ANKIB1: variants seen among roughly 807,000 people sequenced by gnomAD.
ANKIB1 encodes the protein ankyrin repeat and IBR domain-containing protein 1.
Under a neutral mutation model 122.1 loss-of-function variants are expected in ANKIB1, and 43 were observed. The ratio of observed to expected loss-of-function variants is 0.35; its 90% CI spans 0.28 to 0.45. The LOEUF is 0.45. ANKIB1 is among the 20% of genes least tolerant of loss of function. The probability of loss-of-function intolerance (pLI) is 1.00; values close to 1 mark genes in which losing one functional copy is unlikely to be tolerated. For synonymous variants in ANKIB1, 390 were observed against 442.0 expected, an observed-to-expected ratio of 0.88 and a Z score of 1.48; for missense variants, 992 against 1,329.5, an observed-to-expected ratio of 0.75 and a Z score of 3.95.
chr7:92,304,662 AAAATG>A (rs1802522127), intron 2 of ANKIB1, among the ~76,000 whole-genome samples: 1 of 152,210 alleles, frequency 6.6e-6, no homozygotes, highest in Non-Finnish European at 1.5e-5. Flanking sequence ...AATTTTTAAG[AAAATG>A]AAATCTTTTT....
At chr7:92,369,177 T>A (rs1464685188) in intron 10 of ANKIB1, among the ~76,000 whole-genome samples, 1 of 152,222 alleles carries the variant, frequency 6.6e-6, no homozygotes, top group Admixed American at 6.5e-5. Flanking sequence ...TAGCCCTAAG[T>A]ATACTAAGTT....
At chr7:92,259,788 T>G (rs1801522055) in intron 1 of ANKIB1, among the ~76,000 whole-genome samples, 2 of 152,170 alleles carry the variant, frequency 1.3e-5, no homozygotes, top group African/African-American at 4.8e-5. Flanking sequence ...TCAGTAGTGG[T>G]AACCCCTTGC....
In ANKIB1 at chr7:92,387,701, A is replaced by G. The variant is rs868005832; in HGVS notation, c.1753-97A>G. The G allele has an allele frequency of 1.0e-5, 8 of 788,504 alleles. No homozygotes were observed. In the Middle Eastern group the frequency reaches 2.2e-3, roughly 214 times the overall value. 48.8% of individuals were successfully genotyped at this position (788,504 alleles called of 1,614,324 possible). A position where few individuals can be genotyped will look rare whatever the true frequency, so the allele number is the denominator to read the frequency against. ...AATTCGCAAATCTGAATGCACTACT[A>G]CCTATCACTAATAAAACTTTTAAAT... On this transcript the variant is annotated intron_variant, in intron 12 of 19. Transcript: ENST00000265742.
intron 7 of ANKIB1, among the ~76,000 whole-genome samples, chr7:92,347,353 G>A (rs943306466): frequency 1.3e-5 from 2 of 151,962 alleles, no homozygotes; most frequent in East Asian, 3.9e-4. Flanking sequence ...TGTATTTTTT[G>A]TGTAGCCCAA....
chr7:92,386,590 C>T lies in ANKIB1; in HGVS notation c.1699C>T (p.Arg567Cys), dbSNP rs1294850191. The T allele has an allele frequency of 1.9e-6, 3 of 1,604,888 alleles. No homozygotes were observed. The highest frequency in any genetic ancestry group is 2.6e-6 in the Non-Finnish European group (3 of 1,175,910). The change falls in exon 12 of 20, where the codon CGC becomes TGC. Residue 567 changes from arginine (R) to cysteine (C), a missense_variant. Physicochemically the swap from Arg to Cys is radical, Grantham distance 180. Coordinates refer to ENST00000265742, the MANE Select transcript of ANKIB1 (RefSeq NM_019004.2). Reference sequence around the variant, plus strand: ...CACTGGAGGTTATTACAGATGTACTCGCTATGAAGTCATTCAACACGTGGA... The same window carrying T: ...CACTGGAGGTTATTACAGATGTACTTGCTATGAAGTCATTCAACACGTGGA... The part of the protein sequence containing the change: ...SSTGGYYRCT[R>C]YEVIQHVEEQ...
chr7:92,379,611 T>C (rs575401121), intron 11 of ANKIB1, among the ~76,000 whole-genome samples: 2 of 152,268 alleles, frequency 1.3e-5, no homozygotes, highest in South Asian at 4.1e-4. Context: ...ATGTGGCATC[T>C]ACAACCAGTG....
At chr7:92,255,649 T>C (rs1230483315) in intron 1 of ANKIB1, among the ~76,000 whole-genome samples, 1 of 152,220 alleles carries the variant, frequency 6.6e-6, no homozygotes, top group Non-Finnish European at 1.5e-5. Flanking sequence ...AACAAGTTCT[T>C]ATGAAATATA....
intron 1 of ANKIB1, among the ~76,000 whole-genome samples, chr7:92,265,119 A>T (rs919971209): frequency 6.6e-6 from 1 of 152,100 alleles, no homozygotes; most frequent in African/African-American, 2.4e-5. Context: ...CTAGGACTAC[A>T]TGTGTGTACC....
chr7:92,326,163 G>A (rs1187427695), intron 4 of ANKIB1, among the ~76,000 whole-genome samples: 1 of 152,160 alleles, frequency 6.6e-6, no homozygotes, highest in Non-Finnish European at 1.5e-5. Context: ...TGTCCTTTAA[G>A]AATTATTTTT....
chr7:92,303,981 T>G (rs1321590332), intron 2 of ANKIB1, among the ~76,000 whole-genome samples: 3 of 152,010 alleles, frequency 2.0e-5, no homozygotes, highest in African/African-American at 7.2e-5. Context: ...AAGGGATGGA[T>G]TTTTTCCCCA....
chr7:92,381,698 T>C (rs1241591021), intron 11 of ANKIB1, among the ~76,000 whole-genome samples: 1 of 152,122 alleles, frequency 6.6e-6, no homozygotes, highest in East Asian at 1.9e-4. Flanking sequence ...TGCTGACAGA[T>C]TTTGTCACCA....
chr7:92,309,942 A>ATATATATATATATATATATATAT (rs1554338740), intron 3 of ANKIB1, among the ~76,000 whole-genome samples: 1 of 91,790 alleles, frequency 1.1e-5, no homozygotes, highest in African/African-American at 4.8e-5. Flanking sequence ...AAAAAAAAAA[A>ATATATATATATATATATATATAT]ATATATATAT....
intron 1 of ANKIB1, among the ~76,000 whole-genome samples, chr7:92,270,034 C>T (rs1168045015): frequency 6.6e-6 from 1 of 151,422 alleles, no homozygotes; most frequent in East Asian, 1.9e-4. Context: ...CAATTCCCAC[C>T]TATGAGTGAG....
chr7:92,331,263 C>A (rs1157299057), intron 5 of ANKIB1, among the ~76,000 whole-genome samples: 1 of 150,590 alleles, frequency 6.6e-6, no homozygotes, highest in Non-Finnish European at 1.5e-5. Flanking sequence ...TAAACAACAT[C>A]ACTTCTTTTT....
chr7:92,254,878 C>T (rs563274375), intron 1 of ANKIB1, among the ~76,000 whole-genome samples: 4 of 152,170 alleles, frequency 2.6e-5, no homozygotes, highest in Admixed American at 2.6e-4. Flanking sequence ...TCTTAAATTC[C>T]CACATGTTGT....
intron 1 of ANKIB1, among the ~76,000 whole-genome samples, chr7:92,251,711 T>C (rs1432777561): frequency 6.6e-6 from 1 of 152,180 alleles, no homozygotes; most frequent in Non-Finnish European, 1.5e-5. Flanking sequence ...TGGTATCACA[T>C]CACTCCTAAA....
chr7:92,336,678 C>G (rs1436446068), intron 5 of ANKIB1, among the ~76,000 whole-genome samples: 1 of 151,992 alleles, frequency 6.6e-6, no homozygotes, highest in African/African-American at 2.4e-5. Flanking sequence ...CTCTGGTCAC[C>G]CTGAATCTAA....
chr7:92,387,996 A>G lies in ANKIB1; in HGVS notation c.1861A>G (p.Thr621Ala). The change falls in exon 14 of 20, where the codon ACA (threonine) becomes GCA (alanine). Residue 621 changes from threonine to alanine, a missense_variant. Physicochemically the swap from Thr to Ala is moderately conservative, Grantham distance 58 (BLOSUM62 0). Coordinates refer to ENST00000265742, the MANE Select transcript of ANKIB1 (RefSeq NM_019004.2). ...TTAGCTAGAACAACGCCTTCTTAAA[A>G]CAGCCAAAGAAAAGATGGAGCAATT... The part of the protein sequence containing the change: ...SYQLEQRLLK[T>A]AKEKMEQLSR... 1 of 1,582,528 alleles carries G rather than the reference A, an allele frequency of 6.3e-7. No individual in the cohort carries two copies.
intron 1 of ANKIB1, among the ~76,000 whole-genome samples, chr7:92,282,417 A>G (rs932266851): frequency 6.6e-6 from 1 of 152,158 alleles, no homozygotes; most frequent in Non-Finnish European, 1.5e-5. Context: ...GTGCTGAGAT[A>G]ACAGGCATGA....
Sources: gnomAD v4.1 joint callset for allele counts (sites outside exome capture counted in the v4.1 genomes callset) on GRCh38, gnomAD v4.1.1 for gene constraint, MANE v1.5 for transcripts, NCBI Gene and HGNC (gene_info 2026-07-23, HGNC 2026-07-21) for gene names.